The following NAA16 variants were observed in gnomAD, a reference collection of about 807,000 sequenced individuals.
NAA16 encodes the protein NARG1-like protein.
NAA16 carries 97 observed loss-of-function variants against 110.3 expected under a neutral mutation model. The observed-to-expected ratio is 0.88, with a 90% CI of 0.75 to 1.04. The LOEUF (loss-of-function observed/expected upper bound fraction) is 1.04. Ranked by LOEUF, NAA16 falls within the 50% of genes least tolerant of loss-of-function variation. The pLI is 0.00. For synonymous variants in NAA16, 372 were observed against 330.6 expected (o/e 1.13, Z -1.36); for missense variants, 1,017 against 1,005.1 (o/e 1.01, Z -0.16).
At position 41,311,402 on chromosome 13, in the gene NAA16, C is replaced by T; in HGVS notation, c.-127C>T. 1.1e-6 allele frequency: 1 copy of T among 882,772 alleles called. No individual in the cohort carries two copies. The highest frequency in any genetic ancestry group is 1.8e-6 in the Non-Finnish European group (1 of 565,052). The allele number at this position is 882,772 out of a possible 1,614,324, so 54.7% of individuals were successfully genotyped here. A position where few individuals can be genotyped will look rare whatever the true frequency, so the allele number is the denominator to read the frequency against. On this transcript the variant is annotated 5_prime_UTR_variant, in exon 1 of 20. Coordinates refer to ENST00000379406, the MANE Select transcript of NAA16 (RefSeq NM_024561.5). The stretch of plus-strand genomic sequence containing the variant: ...AGGCTGCCCAATTGCAACTGTAGAC[C>T]AATGAACTAATCCATCGCCCGCAGC...
chr13:41,363,190 C>T (rs2043147013), intron 13 of NAA16, among the ~76,000 whole-genome samples: 1 of 152,028 alleles, frequency 6.6e-6, no homozygotes, highest in Non-Finnish European at 1.5e-5. Context: ...TTAAATCAGG[C>T]TCTTGTTTCC....
In NAA16 at chr13:41,328,783, ATT is replaced by A; in HGVS notation, c.752_753del (p.Ile251ArgfsTer11). On this transcript the variant is annotated frameshift_variant, in exon 7 of 20. Coordinates refer to ENST00000379406, the MANE Select transcript of NAA16 (RefSeq NM_024561.5). LOFTEE classifies it high-confidence loss of function. ...AGCCAGTGAAGTGTTCAAAAACTTG[ATT>A]GATCGAAATGCAGAAAATTGGTGTT... is the stretch of plus-strand genomic sequence containing the variant. Reference protein sequence around the residue: ...KEASEVFKNLIDRNAENWCYY... With the variant: ...KEASEVFKNLXDRNAENWCYY... The A allele has an allele frequency of 1.2e-6, 2 of 1,607,140 alleles. No individual in the cohort carries two copies. Among genetic ancestry groups the A allele is most frequent in the Non-Finnish European group, 1.7e-6 (2 of 1,174,178 alleles).
chr13:41,353,351 G>A (rs1048687613), intron 9 of NAA16, among the ~76,000 whole-genome samples: 32 of 151,954 alleles, frequency 2.1e-4, no homozygotes, highest in African/African-American at 7.7e-4. Context: ...AGGTTATGGT[G>A]GATTAAAAAT....
rs764742510 is a variant in NAA16 at position 41,318,822 on chromosome 13, A to G, written c.156A>G (p.Lys52=). ...FAEHGETLAM[K]GLTLNCLGKK... ...ATTTTTCAGAGACTTTGGCTATGAAAGGATTAACACTGAACTGTTTAGGAA... is the reference window on the plus strand; with the variant it reads ...ATTTTTCAGAGACTTTGGCTATGAAGGGATTAACACTGAACTGTTTAGGAA... Residue 52 remains lysine, a synonymous_variant, in exon 3 of 20, where the codon AAA becomes AAG. Coordinates refer to ENST00000379406, the MANE Select transcript of NAA16 (RefSeq NM_024561.5). 3.6e-5 allele frequency: 56 copies of G among 1,556,294 alleles called. No homozygotes were observed. Among genetic ancestry groups the G allele is most frequent in the Non-Finnish European group, 4.5e-5 (52 of 1,155,778 alleles).
Position 41,338,359 on chromosome 13 carries a change from A to G in NAA16, c.1014+1603A>G, listed in dbSNP as rs141508982. ...TTTACTTTTTAAAAATTCTTCTAAT[A>G]TTGATCCAAAGTTGCCATTACAAAA... On this transcript the variant is annotated intron_variant, in intron 9 of 19. Transcript: ENST00000379406. Among the ~76,000 whole-genome samples the G allele has an allele frequency of 6.8e-3, 1,040 of 152,256 alleles. 14 individuals carry two copies. The highest frequency in any genetic ancestry group is 0.024 in the African/African-American group (991 of 41,558).
chr13:41,344,816 A>G (rs374613515), intron 9 of NAA16, among the ~76,000 whole-genome samples: 25 of 152,294 alleles, frequency 1.6e-4, no homozygotes, highest in African/African-American at 3.6e-4. Flanking sequence ...GAGTTGTGCA[A>G]TCATCACTGC....
chr13:41,319,863 A>ATT (rs371132882), intron 3 of NAA16, among the ~76,000 whole-genome samples: 162 of 138,810 alleles, frequency 1.2e-3, no homozygotes, highest in African/African-American at 4.0e-3. Context: ...ATTGATTTTC[A>ATT]TTTTTTTTTT....
chr13:41,351,123 G>A (rs7322826), intron 9 of NAA16, among the ~76,000 whole-genome samples: 11,293 of 152,202 alleles, frequency 0.074, 1,391 homozygotes, highest in African/African-American at 0.26. Flanking sequence ...ATCAGTGCTC[G>A]TGTGCTTTGA....
chr13:41,345,672 T>A (rs953531371), intron 9 of NAA16, among the ~76,000 whole-genome samples: 2 of 152,146 alleles, frequency 1.3e-5, no homozygotes, highest in Non-Finnish European at 2.9e-5. Context: ...AACCTTGACC[T>A]CCTGGGCTCA....
chr13:41,366,782 A>G (rs761874803), intron 13 of NAA16, among the ~76,000 whole-genome samples: 1 of 148,590 alleles, frequency 6.7e-6, no homozygotes, highest in Admixed American at 6.8e-5. Flanking sequence ...TTTAAAATAC[A>G]TTATTTGATC....
At chr13:41,361,281 C>T (rs1440521421) in intron 12 of NAA16, among the ~76,000 whole-genome samples, 1 of 152,140 alleles carries the variant, frequency 6.6e-6, no homozygotes, top group Non-Finnish European at 1.5e-5. Context: ...TGTCATGAAA[C>T]AGGTGATGCT....
chr13:41,342,141 CTCTT>C (rs1226988162), intron 9 of NAA16, among the ~76,000 whole-genome samples: 1 of 148,534 alleles, frequency 6.7e-6, no homozygotes, highest in African/African-American at 2.5e-5. Flanking sequence ...CTCTCTCTCT[CTCTT>C]TTTTTTTTTT....
chr13:41,318,882 A>G lies in NAA16; in HGVS notation c.216A>G (p.Gly72=). The G allele has an allele frequency of 1.2e-6, 2 of 1,602,078 alleles. No homozygotes were observed. Among genetic ancestry groups the G allele is most frequent in the Non-Finnish European group, 1.7e-6 (2 of 1,173,670 alleles). The change falls in exon 3 of 20, where the codon GGA becomes GGG. Residue 72 remains glycine (G), a synonymous_variant. Transcript: ENST00000379406. The stretch of plus-strand genomic sequence containing the variant: ...AAGCTTATGAGTTTGTTCGTAAAGG[A>G]CTTCGTAATGATGTCAAGAGTCATG... The part of the protein sequence containing the change: ...KEEAYEFVRK[G]LRNDVKSHVC...
At chr13:41,362,546 T>A in intron 13 of NAA16, 1 of 438,254 alleles carries the variant, frequency 2.3e-6, no homozygotes, top group South Asian at 2.1e-5. Context: ...AGTCAGCCTC[T>A]CTCCAGTTTG....
chr13:41,321,860 C>T (rs1347761398), intron 4 of NAA16, among the ~76,000 whole-genome samples: 2 of 152,164 alleles, frequency 1.3e-5, no homozygotes, highest in Non-Finnish European at 2.9e-5. Flanking sequence ...CCTCTACTGC[C>T]ATATAAGCCC....
chr13:41,331,160 C>CA (rs1250569952), intron 7 of NAA16, 114 bp from the exon 8 acceptor site: 2 of 609,020 alleles, frequency 3.3e-6, no homozygotes, highest in East Asian at 5.6e-5. Context: ...TTGAAAGCAG[C>CA]TTTAATATTG....
intron 1 of NAA16, among the ~76,000 whole-genome samples, chr13:41,314,499 C>G (rs1800436928): frequency 6.6e-6 from 1 of 152,176 alleles, no homozygotes; most frequent in Admixed American, 6.5e-5. Context: ...ACCTAGTTCC[C>G]TTCCCCAGAG....
At chr13:41,322,999 A>G (rs967045155) in intron 4 of NAA16, 57 bp from the exon 5 acceptor site, 23 of 1,490,474 alleles carry the variant, frequency 1.5e-5, no homozygotes, top group Admixed American at 1.2e-4. Context: ...TTGTTTTCTT[A>G]AAACTGATGA....
At chr13:41,340,456 G>T (rs2042506503) in intron 9 of NAA16, among the ~76,000 whole-genome samples, 2 of 151,810 alleles carry the variant, frequency 1.3e-5, no homozygotes, top group Non-Finnish European at 2.9e-5. Flanking sequence ...TGCTTTTCTT[G>T]TGGGTATTTA....
Sources: gnomAD v4.1 joint callset for allele counts (sites outside exome capture counted in the v4.1 genomes callset) on GRCh38, gnomAD v4.1.1 for gene constraint, MANE v1.5 for transcripts, NCBI Gene and HGNC (gene_info 2026-07-23, HGNC 2026-07-21) for gene names.